Variants in ERBIN observed in about 807,000 individuals in gnomAD.
The protein encoded by ERBIN is erbb2 interacting protein, also known as densin-180-like protein.
ERBIN carries 60 observed loss-of-function variants against 158.4 expected under a neutral mutation model. That is an observed-to-expected ratio of 0.38 (90% CI 0.31 to 0.47). ERBIN has a LOEUF of 0.47. ERBIN is among the 20% of genes least tolerant of loss of function. The pLI is 0.99. For synonymous variants in ERBIN, 594 were observed against 557.2 expected (o/e 1.07, Z -0.93); for missense variants, 1,610 against 1,648.0 (o/e 0.98, Z 0.40).
chr5:66,076,911 G>T lies in ERBIN; in HGVS notation c.4093G>T (p.Ala1365Ser). ...AACAAGGGTACAACCTGAAGGACCAGCATCAAAATTACTGCAGCCAGGTGA... is the reference window on the plus strand; with the variant it reads ...AACAAGGGTACAACCTGAAGGACCATCATCAAAATTACTGCAGCCAGGTGA... ...FVTRVQPEGPASKLLQPGDKI... is the reference protein window; with the variant it reads ...FVTRVQPEGPSSKLLQPGDKI... The change falls in exon 25 of 26, where the codon GCA (alanine) becomes TCA (serine). Residue 1365 changes from alanine to serine, a missense_variant. Physicochemically the swap from Ala to Ser is moderately conservative, Grantham distance 99. This residue lies in a region of ERBIN where 1,014 missense variants were observed against 936.1 expected (regional missense o/e 1.08). Coordinates refer to ENST00000284037, the MANE Select transcript of ERBIN (RefSeq NM_001253697.2). The T allele has an allele frequency of 6.2e-7, 1 of 1,609,446 alleles. No individual in the cohort carries two copies. The highest frequency in any genetic ancestry group is 1.1e-5 in the South Asian group (1 of 90,162).
intron 14 of ERBIN, among the ~76,000 whole-genome samples, chr5:66,033,701 G>T (rs1341046339): frequency 1.3e-5 from 2 of 152,178 alleles, no homozygotes; most frequent in African/African-American, 2.4e-5. Flanking sequence ...GGATGAGAAG[G>T]AAATGGAATG....
At chr5:66,018,176 G>A (rs1165786658) in intron 7 of ERBIN, among the ~76,000 whole-genome samples, 1 of 151,180 alleles carries the variant, frequency 6.6e-6, no homozygotes, top group Non-Finnish European at 1.5e-5. Context: ...TTGTGGTTCT[G>A]TATACATTTT....
chr5:65,931,892 C>G (rs1743451445), intron 1 of ERBIN, among the ~76,000 whole-genome samples: 1 of 149,074 alleles, frequency 6.7e-6, no homozygotes, highest in African/African-American at 2.5e-5. Context: ...AGTCTCGGCT[C>G]ACCGCAGCCT....
intron 7 of ERBIN, among the ~76,000 whole-genome samples, chr5:66,018,168 G>T (rs997437325): frequency 1.3e-5 from 2 of 151,406 alleles, no homozygotes; most frequent in African/African-American, 2.4e-5. Context: ...GTCTTTTGTT[G>T]TGGTTCTGTA....
chr5:66,031,475 C>T (rs1561399988), intron 14 of ERBIN, among the ~76,000 whole-genome samples: 1 of 152,078 alleles, frequency 6.6e-6, no homozygotes, highest in Non-Finnish European at 1.5e-5. Context: ...GGAAGATAAC[C>T]AAGGGATGTA....
intron 4 of ERBIN, among the ~76,000 whole-genome samples, chr5:66,005,501 G>A (rs1238949216): frequency 6.6e-6 from 1 of 152,086 alleles, no homozygotes; most frequent in Admixed American, 6.6e-5. Context: ...AGATGCATTC[G>A]CCAAGGGCAT....
Position 66,075,195 on chromosome 5 carries a change from TCTC to T in ERBIN, c.3931_3933del (p.Pro1311del), listed in dbSNP as rs1387849187. 4 of 1,614,064 alleles carry T rather than the reference TCTC, an allele frequency of 2.5e-6. No individual in the cohort carries two copies. Among genetic ancestry groups the T allele is most frequent in the Non-Finnish European group, 2.5e-6 (3 of 1,179,992 alleles). ...GCCTCCATATACACAGCCCCATTGT[TCTC>T]CTAGACAAGGCCATGAACTGGCAAA... is the stretch of plus-strand genomic sequence containing the variant. On this transcript the variant is annotated inframe_deletion, in exon 23 of 26. Transcript: ENST00000284037.
At chr5:66,059,467 A>G (rs1301358914) in intron 21 of ERBIN, among the ~76,000 whole-genome samples, 3 of 152,212 alleles carry the variant, frequency 2.0e-5, no homozygotes, top group Non-Finnish European at 4.4e-5. Context: ...TAGATATACA[A>G]TCATGTCATG....
intron 6 of ERBIN, 90 bp downstream of exon 6, chr5:66,013,728 A>T: frequency 1.3e-6 from 1 of 750,236 alleles, no homozygotes; most frequent in South Asian, 1.7e-5. Flanking sequence ...TACTCATTAC[A>T]GTTTCATAGG....
At chr5:65,970,007 G>T (rs142806821) in intron 1 of ERBIN, among the ~76,000 whole-genome samples, 1 of 152,020 alleles carries the variant, frequency 6.6e-6, no homozygotes, top group African/African-American at 2.4e-5. Flanking sequence ...CCTGGTTTTC[G>T]TATATTGAGT....
At chr5:66,014,951 G>T (rs1250951687) in intron 7 of ERBIN, among the ~76,000 whole-genome samples, 2 of 152,088 alleles carry the variant, frequency 1.3e-5, no homozygotes, top group South Asian at 2.1e-4. Flanking sequence ...TGTCTGAAAT[G>T]CAGTCTTGTG....
chr5:66,076,068 A>G (rs1215341251), intron 23 of ERBIN: 1 of 448,478 alleles, frequency 2.2e-6, no homozygotes, highest in Non-Finnish European at 3.9e-6. Flanking sequence ...TTGATTCCTT[A>G]TCCTCATAAG....
chr5:66,032,245 G>T (rs927894243), intron 14 of ERBIN, among the ~76,000 whole-genome samples: 4 of 152,172 alleles, frequency 2.6e-5, no homozygotes. Context: ...ATATCTCAAG[G>T]ATGGCAAATA....
intron 21 of ERBIN, among the ~76,000 whole-genome samples, chr5:66,056,646 G>A (rs1158330535): frequency 6.6e-6 from 1 of 152,020 alleles, no homozygotes; most frequent in Non-Finnish European, 1.5e-5. Context: ...TAGTAATTTA[G>A]AGGTGTGAAT....
At chr5:66,004,413 T>A (rs1466432362) in intron 4 of ERBIN, among the ~76,000 whole-genome samples, 7 of 152,188 alleles carry the variant, frequency 4.6e-5, no homozygotes, top group African/African-American at 1.7e-4. Context: ...TGTGTGTATG[T>A]GTGAGTTGAG....
chr5:65,994,211 T>C (rs1007675321), intron 3 of ERBIN, among the ~76,000 whole-genome samples: 3 of 152,200 alleles, frequency 2.0e-5, no homozygotes, highest in Non-Finnish European at 2.9e-5. Flanking sequence ...GCAGGCAATT[T>C]ATCTTCCTTA....
At chr5:65,977,975 G>GAGGGAGAGGGAA (rs1750211352) in intron 1 of ERBIN, among the ~76,000 whole-genome samples, 2 of 152,066 alleles carry the variant, frequency 1.3e-5, no homozygotes, top group Admixed American at 1.3e-4. Context: ...GGGAGAGGGA[G>GAGGGAGAGGGAA]AGGGAGAGGG....
intron 5 of ERBIN, among the ~76,000 whole-genome samples, chr5:66,013,189 C>G (rs1220036322): frequency 2.0e-5 from 3 of 152,188 alleles, no homozygotes; most frequent in African/African-American, 7.2e-5. Context: ...AAATTCTTTT[C>G]TAGTCCTTTG....
chr5:66,011,932 C>G lies in ERBIN; in HGVS notation c.308-117C>G. On this transcript the variant is annotated intron_variant, in intron 4 of 25. Coordinates refer to ENST00000284037, the MANE Select transcript of ERBIN (RefSeq NM_001253697.2). Reference sequence around the variant, plus strand: ...GTTCACATTGATGTTGTCAGTTCATCTAGTTCCTTGTTAATTGGTATATTA... The same window carrying G: ...GTTCACATTGATGTTGTCAGTTCATGTAGTTCCTTGTTAATTGGTATATTA... 7.2e-6 allele frequency: 4 copies of G among 558,962 alleles called. No individual in the cohort carries two copies. The South Asian group carries it at 1.3e-4, about 18-fold the overall frequency. The allele number at this position is 558,962 out of a possible 1,614,324, so 34.6% of individuals were successfully genotyped here.
Sources: gnomAD v4.1 joint callset for allele counts (sites outside exome capture counted in the v4.1 genomes callset) on GRCh38, gnomAD v4.1.1 for gene constraint, gnomAD v4.1.1 regional missense constraint, MANE v1.5 for transcripts, NCBI Gene and HGNC (gene_info 2026-07-23, HGNC 2026-07-21) for gene names.